The following GPC6 variants were observed in gnomAD, a reference collection of about 807,000 sequenced individuals.
GPC6 encodes glypican-6.
GPC6 carries 14 observed loss-of-function variants against 55.2 expected under a neutral mutation model. That is an observed-to-expected ratio of 0.25 (90% CI 0.17 to 0.40). The LOEUF (loss-of-function observed/expected upper bound fraction) is 0.40, where lower values mean the gene tolerates loss of function less well. GPC6 is among the 10% of genes least tolerant of loss of function. GPC6 has a pLI of 1.00. For missense variants in GPC6, 641 were observed against 708.5 expected, an observed-to-expected ratio of 0.90 and a Z score of 1.08; for synonymous variants, 278 against 259.6, an observed-to-expected ratio of 1.07 and a Z score of -0.68.
At chr13:93,303,091 A>C (rs770756397) in intron 1 of GPC6, among the ~76,000 whole-genome samples, 5 of 152,228 alleles carry the variant, frequency 3.3e-5, no homozygotes, top group Non-Finnish European at 7.3e-5. Flanking sequence ...AGACTGTTAA[A>C]TAAGTTCTTT....
At chr13:93,921,143 G>A (rs1190618589) in intron 3 of GPC6, among the ~76,000 whole-genome samples, 1 of 152,176 alleles carries the variant, frequency 6.6e-6, no homozygotes, top group Non-Finnish European at 1.5e-5. Flanking sequence ...TGAAACTGAA[G>A]AGTTTCCTGA....
chr13:93,663,575 A>G (rs924909890), intron 2 of GPC6, among the ~76,000 whole-genome samples: 5 of 152,176 alleles, frequency 3.3e-5, no homozygotes, highest in African/African-American at 4.8e-5. Context: ...ATCTAATCAT[A>G]TTATGTTTGA....
intron 3 of GPC6, among the ~76,000 whole-genome samples, chr13:94,000,737 C>T (rs1268266257): frequency 6.6e-6 from 1 of 152,150 alleles, no homozygotes; most frequent in Non-Finnish European, 1.5e-5. Context: ...TTACACAGCA[C>T]TTTGCAGCAA....
chr13:93,885,467 T>C (rs1486118776), intron 3 of GPC6, among the ~76,000 whole-genome samples: 2 of 150,954 alleles, frequency 1.3e-5, no homozygotes, highest in Admixed American at 1.3e-4. Context: ...TTGGATTTTA[T>C]TTAAGGAAGC....
intron 6 of GPC6, among the ~76,000 whole-genome samples, chr13:94,353,285 T>C (rs1878640430): frequency 6.6e-6 from 1 of 152,176 alleles, no homozygotes; most frequent in Non-Finnish European, 1.5e-5. Context: ...GCTTTGCATT[T>C]ACTGCCTGGA....
At chr13:94,039,345 T>C (rs1325849881) in intron 4 of GPC6, among the ~76,000 whole-genome samples, 2 of 151,882 alleles carry the variant, frequency 1.3e-5, no homozygotes, top group Non-Finnish European at 2.9e-5. Flanking sequence ...AGACTTGTGG[T>C]AGTAAGACTA....
intron 1 of GPC6, among the ~76,000 whole-genome samples, chr13:93,451,666 C>A (rs966426781): frequency 2.0e-5 from 3 of 152,150 alleles, no homozygotes; most frequent in Non-Finnish European, 4.4e-5. Context: ...CTAACTGACC[C>A]TCTACAAAAA....
intron 1 of GPC6, among the ~76,000 whole-genome samples, chr13:93,471,176 C>A (rs969943430): frequency 6.6e-6 from 1 of 151,208 alleles, no homozygotes; most frequent in African/African-American, 2.4e-5. Context: ...TCCTTTTTTT[C>A]TAGCTAGTTA....
intron 4 of GPC6, among the ~76,000 whole-genome samples, chr13:94,043,978 TCTC>T (rs1053148604): frequency 2.0e-5 from 3 of 151,858 alleles, no homozygotes; most frequent in African/African-American, 7.2e-5. Context: ...CGTTTTAAGT[TCTC>T]CTACATCTTG....
chr13:94,235,691 T>C (rs1359185248), intron 4 of GPC6, among the ~76,000 whole-genome samples: 1 of 152,166 alleles, frequency 6.6e-6, no homozygotes, highest in Non-Finnish European at 1.5e-5. Context: ...AAAAATGTTA[T>C]ACAGCATCCT....
chr13:94,088,312 A>T (rs1404263914), intron 4 of GPC6, among the ~76,000 whole-genome samples: 1 of 152,156 alleles, frequency 6.6e-6, no homozygotes, highest in Non-Finnish European at 1.5e-5. Flanking sequence ...CTTATAAGGA[A>T]TTATAATAAT....
At chr13:93,713,960 A>G (rs1373119716) in intron 2 of GPC6, among the ~76,000 whole-genome samples, 1 of 151,842 alleles carries the variant, frequency 6.6e-6, no homozygotes, top group African/African-American at 2.4e-5. Flanking sequence ...ATTTAAGTGT[A>G]AGACCTCAAA....
chr13:94,403,393 G>A lies in GPC6; in HGVS notation c.*176G>A, dbSNP rs1364202158. 2 of 666,136 alleles carry A rather than the reference G, an allele frequency of 3.0e-6. No homozygotes were observed. The highest frequency in any genetic ancestry group is 5.5e-6 in the Non-Finnish European group (2 of 365,814). The allele number at this position is 666,136 out of a possible 1,614,324, so 41.3% of individuals were successfully genotyped here. A position where few individuals can be genotyped will look rare whatever the true frequency, so the allele number is the denominator to read the frequency against. ...TTTTCCCAAAGAGTACCGGGTGCCA[G>A]ACTGAACTGCTTCCTCTTTCCTTCA... On this transcript the variant is annotated 3_prime_UTR_variant, in exon 9 of 9. Coordinates refer to ENST00000377047, the MANE Select transcript of GPC6 (RefSeq NM_005708.5).
chr13:93,887,355 A>G (rs1216180818), intron 3 of GPC6, among the ~76,000 whole-genome samples: 1 of 152,078 alleles, frequency 6.6e-6, no homozygotes, highest in Non-Finnish European at 1.5e-5. Context: ...GAACTTAAGT[A>G]TATATCTAAA....
chr13:93,924,254 C>T (rs1033314987), intron 3 of GPC6, among the ~76,000 whole-genome samples: 2 of 152,326 alleles, frequency 1.3e-5, no homozygotes, highest in South Asian at 2.1e-4. Context: ...ATGGCAATTC[C>T]CAGCTCTGTG....
At chr13:94,128,809 C>G (rs1241980345) in intron 4 of GPC6, among the ~76,000 whole-genome samples, 1 of 152,164 alleles carries the variant, frequency 6.6e-6, no homozygotes, top group African/African-American at 2.4e-5. Flanking sequence ...GTTAGCATAT[C>G]TTTATTCAGA....
intron 1 of GPC6, among the ~76,000 whole-genome samples, chr13:93,230,743 C>G (rs1474768823): frequency 1.3e-5 from 2 of 152,086 alleles, no homozygotes; most frequent in Admixed American, 1.3e-4. Context: ...CCTCATTCAT[C>G]AGAATTATGA....
intron 7 of GPC6, among the ~76,000 whole-genome samples, chr13:94,392,558 T>G (rs530480704): frequency 1.3e-5 from 2 of 152,018 alleles, no homozygotes; most frequent in Non-Finnish European, 2.9e-5. Flanking sequence ...GCCTCCCAAG[T>G]AGCTGGAATT....
intron 1 of GPC6, among the ~76,000 whole-genome samples, chr13:93,414,435 G>T (rs941890030): frequency 6.6e-6 from 1 of 151,978 alleles, no homozygotes; most frequent in Non-Finnish European, 1.5e-5. Context: ...CTTACTCCGG[G>T]ACTGCAAAAT....
Sources: allele counts gnomAD v4.1 joint callset (sites outside exome capture counted in the v4.1 genomes callset), GRCh38; gene constraint gnomAD v4.1.1; transcripts MANE v1.5; gene names NCBI Gene and HGNC (gene_info 2026-07-23, HGNC 2026-07-21).